DDX31: variants seen among roughly 807,000 people sequenced by gnomAD.
DDX31 encodes the protein DEAD-box helicase 31.
Under a neutral mutation model 91.3 loss-of-function variants are expected in DDX31, and 70 were observed. That is an observed-to-expected ratio of 0.77 (90% CI 0.63 to 0.94). The LOEUF (loss-of-function observed/expected upper bound fraction) is 0.94. DDX31 is among the 40% of genes least tolerant of loss of function. The probability of loss-of-function intolerance (pLI) is 0.00; values close to 1 mark genes in which losing one functional copy is unlikely to be tolerated. For synonymous variants in DDX31, 362 were observed against 350.6 expected, an observed-to-expected ratio of 1.03 and a Z score of -0.36; for missense variants, 902 against 925.0, an observed-to-expected ratio of 0.98 and a Z score of 0.32.
Position 132,657,384 on chromosome 9 carries a change from A to G in DDX31, c.588+1287T>C, listed in dbSNP as rs554089125. Among the ~76,000 whole-genome samples the G allele has an allele frequency of 2.0e-5, 3 of 152,298 alleles. No individual in the cohort carries two copies. In the East Asian group the frequency reaches 5.8e-4, roughly 29 times the overall value. ...CTTTCATCCACTCATTTTAGCATCT[A>G]TGATAACTCACGCCTGAAACAATAC... On this transcript the variant is annotated intron_variant, in intron 6 of 19. Coordinates refer to ENST00000372159, the MANE Select transcript of DDX31 (RefSeq NM_022779.9).
At chr9:132,607,717 C>A (rs1272975247) in intron 19 of DDX31, among the ~76,000 whole-genome samples, 1 of 152,180 alleles carries the variant, frequency 6.6e-6, no homozygotes, top group Non-Finnish European at 1.5e-5. Flanking sequence ...CTCACTCTGT[C>A]ACCCACGCTG....
intron 14 of DDX31, among the ~76,000 whole-genome samples, chr9:132,633,308 G>A (rs534941630): frequency 6.6e-6 from 1 of 152,130 alleles, no homozygotes; most frequent in Non-Finnish European, 1.5e-5. Context: ...GTAGTATCTA[G>A]CAAAATTACA....
intron 18 of DDX31, 82 bp from the exon 19 acceptor site, chr9:132,612,337 C>T: frequency 6.6e-7 from 1 of 1,525,006 alleles, no homozygotes; most frequent in Non-Finnish European, 9.0e-7. Context: ...TGGTTATCTT[C>T]TGTACTTTAT....
intron 17 of DDX31, among the ~76,000 whole-genome samples, chr9:132,620,118 A>G (rs1233706255): frequency 6.6e-6 from 1 of 152,144 alleles, no homozygotes; most frequent in Non-Finnish European, 1.5e-5. Flanking sequence ...TTAAATAAAC[A>G]GAGCTCCAGC....
At chr9:132,644,450 A>T (rs949069052) in intron 13 of DDX31, among the ~76,000 whole-genome samples, 2 of 152,164 alleles carry the variant, frequency 1.3e-5, no homozygotes, top group African/African-American at 4.8e-5. Context: ...GGTCACAGAG[A>T]GGTTAAATAT....
At chr9:132,616,468 G>A (rs562176828) in intron 18 of DDX31, among the ~76,000 whole-genome samples, 32 of 152,292 alleles carry the variant, frequency 2.1e-4, no homozygotes, top group African/African-American at 7.7e-4. Context: ...TGAAATAGTT[G>A]TAGTCTTGCC....
chr9:132,628,186 C>A (rs759205121), intron 16 of DDX31, among the ~76,000 whole-genome samples: 10 of 152,210 alleles, frequency 6.6e-5, no homozygotes, highest in African/African-American at 2.4e-4. Context: ...AGTGCACCCA[C>A]GAGGCAGCAG....
rs952729210 is a variant in DDX31 at position 132,594,516 on chromosome 9, C to T, written c.*350G>A. ...CACAGTTAAGGGCAGCAATCAAGCC[C>T]GTTCCAGGCTGACGCGCAGGGCGTT... On this transcript the variant is annotated 3_prime_UTR_variant, in exon 20 of 20. Coordinates refer to ENST00000372159, the MANE Select transcript of DDX31 (RefSeq NM_022779.9). 2.3e-5 allele frequency: 5 copies of T among 218,266 alleles called. No individual in the cohort carries two copies. The South Asian group carries it at 2.9e-4, about 12-fold the overall frequency. The allele number at this position is 218,266 out of a possible 1,614,324, so 13.5% of individuals were successfully genotyped here.
chr9:132,603,137 T>A (rs1830812193), intron 19 of DDX31, among the ~76,000 whole-genome samples: 1 of 152,224 alleles, frequency 6.6e-6, no homozygotes, highest in South Asian at 2.1e-4. Context: ...AGAACACACG[T>A]AAGCCCTCAA....
In DDX31 at chr9:132,659,788, A is replaced by C. The variant is rs756660124; in HGVS notation, c.453-8T>G. ...ATACTTTGCTTCTGAACACTGGGCC[A>C]CCCGAAAAAAAGAACACACTTTACC... On this transcript the variant is annotated splice_polypyrimidine_tract_variant and splice_region_variant and intron_variant, in intron 4 of 19. Coordinates refer to ENST00000372159, the MANE Select transcript of DDX31 (RefSeq NM_022779.9). The C allele has an allele frequency of 1.9e-6, 3 of 1,612,262 alleles. No individual in the cohort carries two copies. The Admixed American group carries it at 5.0e-5, about 27-fold the overall frequency.
chr9:132,596,596 T>C (rs1830448719), intron 19 of DDX31, among the ~76,000 whole-genome samples: 1 of 152,174 alleles, frequency 6.6e-6, no homozygotes, highest in African/African-American at 2.4e-5. Flanking sequence ...ACAAGGTGGG[T>C]ACGGTTATTA....
chr9:132,628,353 G>A (rs536570214), intron 16 of DDX31, among the ~76,000 whole-genome samples: 6 of 152,290 alleles, frequency 3.9e-5, no homozygotes, highest in Non-Finnish European at 5.9e-5. Flanking sequence ...AAGAGGTGGC[G>A]TTATCACTGA....
intron 19 of DDX31, among the ~76,000 whole-genome samples, chr9:132,606,994 C>T (rs1831066447): frequency 6.6e-6 from 1 of 152,212 alleles, no homozygotes; most frequent in African/African-American, 2.4e-5. Context: ...CAATTGGAAG[C>T]ATTTCTGATA....
chr9:132,612,376 C>T (rs1277955632), intron 18 of DDX31, 121 bp from the exon 19 acceptor site: 6 of 1,019,446 alleles, frequency 5.9e-6, no homozygotes, highest in Non-Finnish European at 8.7e-6. Flanking sequence ...ATGAGCAGGA[C>T]AATTACAACA....
intron 14 of DDX31, among the ~76,000 whole-genome samples, chr9:132,632,647 G>C (rs1222155847): frequency 1.3e-5 from 2 of 151,994 alleles, no homozygotes; most frequent in African/African-American, 2.4e-5. Flanking sequence ...TTCGCTGTGG[G>C]AGTGAAGTGC....
chr9:132,662,460 G>A lies in DDX31; in HGVS notation c.311C>T (p.Pro104Leu), dbSNP rs1269431283. Residue 104 changes from proline to leucine, a missense_variant, in exon 2 of 20, where the codon CCT (proline) becomes CTT (leucine). By Grantham distance (98) the Pro-to-Leu change is moderately conservative. Transcript: ENST00000372159. The part of the protein sequence containing the change: ...IKTSSLFKNN[P>L]DIPELHRPVV... ...ATACCTGTGGAGTTCTGGAATGTCA[G>A]GGTTGTTTTTAAACAGTGATGAAGT... 6.2e-7 allele frequency: 1 copy of A among 1,614,070 alleles called. No homozygotes were observed. Among genetic ancestry groups the A allele is most frequent in the Non-Finnish European group, 8.5e-7 (1 of 1,180,024 alleles).
At chr9:132,625,609 C>CA in intron 17 of DDX31, 55 bp downstream of exon 17, 1 of 1,410,680 alleles carries the variant, frequency 7.1e-7, no homozygotes. Context: ...TCTACTACCC[C>CA]AAATCAAGTG....
chr9:132,619,369 T>C (rs1831854339), intron 17 of DDX31, among the ~76,000 whole-genome samples: 1 of 152,170 alleles, frequency 6.6e-6, no homozygotes, highest in South Asian at 2.1e-4. Context: ...GTGCCTCTAC[T>C]TCCACCTGCC....
chr9:132,618,330 C>A lies in DDX31; in HGVS notation c.1825G>T (p.Ala609Ser). The stretch of plus-strand genomic sequence containing the variant: ...GCAAGCACCTAGGAAATCGACTGAC[C>A]TTTCTTTGCCCAGGAGACCCTCCTC... ...SERRVSWAKK[A>S]LQSFIQAYAT... Residue 609 changes from alanine (A) to serine (S), a missense_variant and splice_region_variant, in exon 18 of 20, where the codon GCT becomes TCT. By Grantham distance (99) the Ala-to-Ser change is moderately conservative. Coordinates refer to ENST00000372159, the MANE Select transcript of DDX31 (RefSeq NM_022779.9). 1 of 1,607,446 alleles carries A rather than the reference C, an allele frequency of 6.2e-7. No individual in the cohort carries two copies. Among genetic ancestry groups the A allele is most frequent in the Non-Finnish European group, 8.5e-7 (1 of 1,177,132 alleles).
Sources: allele counts gnomAD v4.1 joint callset (sites outside exome capture counted in the v4.1 genomes callset), GRCh38; gene constraint gnomAD v4.1.1; transcripts MANE v1.5; gene names NCBI Gene and HGNC (gene_info 2026-07-23, HGNC 2026-07-21).